FGF12: variants seen among roughly 807,000 people sequenced by gnomAD.
FGF12 encodes fibroblast growth factor 12, also known as fibroblast growth factor 12B.
Under a neutral mutation model 23.6 loss-of-function variants are expected in FGF12, and 14 were observed. That is an observed-to-expected ratio of 0.59 (90% CI 0.39 to 0.93). The LOEUF is 0.93. Ranked by LOEUF, FGF12 falls within the 40% of genes least tolerant of loss-of-function variation. FGF12 has a pLI of 0.00. For synonymous variants in FGF12, 62 were observed against 77.3 expected, an observed-to-expected ratio of 0.80 and a Z score of 1.04; for missense variants, 175 against 217.8, an observed-to-expected ratio of 0.80 and a Z score of 1.24.
At chr3:192,505,372 T>C (rs1057270255) in intron 2 of FGF12, among the ~76,000 whole-genome samples, 9 of 152,190 alleles carry the variant, frequency 5.9e-5, no homozygotes, top group African/African-American at 2.2e-4. Flanking sequence ...TAAATCCTTT[T>C]GGAAAAAATA....
rs1721056661 is a variant in FGF12 at position 192,408,401 on chromosome 3, G to C, written c.14-47863C>G. 1.4e-6 allele frequency: 2 copies of C among 1,407,530 alleles called. No individual in the cohort carries two copies. Among genetic ancestry groups the C allele is most frequent in the Non-Finnish European group, 1.8e-6 (2 of 1,086,438 alleles). 87.2% of individuals were successfully genotyped at this position (1,407,530 alleles called of 1,614,324 possible). A position where few individuals can be genotyped will look rare whatever the true frequency, so the allele number is the denominator to read the frequency against. On this transcript the variant is annotated intron_variant, in intron 2 of 5. Transcript: ENST00000445105. This position sits in a 1 kb window ranked among gnomAD's most constrained non-coding sequence, Gnocchi z 7.3. The stretch of plus-strand genomic sequence containing the variant: ...CGCTCACAAGGTTAGTCAAAGTCTG[G>C]GCAGTGGCGACAAAATGTGTGAAAA...
At chr3:192,323,326 G>A (rs1026209951) in intron 4 of FGF12, among the ~76,000 whole-genome samples, 2 of 152,124 alleles carry the variant, frequency 1.3e-5, no homozygotes, top group Admixed American at 6.5e-5. Flanking sequence ...TCCATCAACC[G>A]ATGAATAGAT....
In FGF12 at chr3:192,239,921, TAGTGAA is replaced by T. The variant is rs530825769; in HGVS notation, c.229-69271_229-69266del. ...AAGCCCCAGTAAATATCTGAGGTCT[TAGTGAA>T]ACAGGGTAAGATGAAAGGTGAGAAA... On this transcript the variant is annotated intron_variant, in intron 4 of 5. Transcript: ENST00000445105. Among the ~76,000 whole-genome samples the T allele has an allele frequency of 1.7e-3, 255 of 152,284 alleles. 8 individuals are homozygous for T. In the South Asian group the frequency reaches 0.051, roughly 31 times the overall value.
chr3:192,385,094 G>A (rs1719985667), intron 2 of FGF12, among the ~76,000 whole-genome samples: 1 of 152,156 alleles, frequency 6.6e-6, no homozygotes, highest in African/African-American at 2.4e-5. Context: ...GAAATTGCTT[G>A]TCATATTTGA....
intron 2 of FGF12, among the ~76,000 whole-genome samples, chr3:192,563,532 A>C (rs1712138868): frequency 6.6e-6 from 1 of 152,234 alleles, no homozygotes; most frequent in Non-Finnish European, 1.5e-5. Context: ...AAAAAAATCA[A>C]GCTAAATCCA....
At chr3:192,532,794 A>G (rs1418052915) in intron 2 of FGF12, among the ~76,000 whole-genome samples, 1 of 152,172 alleles carries the variant, frequency 6.6e-6, no homozygotes, top group Non-Finnish European at 1.5e-5. Context: ...GAAATAAATC[A>G]CTATTTCTTA....
intron 2 of FGF12, among the ~76,000 whole-genome samples, chr3:192,625,383 A>G (rs1715129684): frequency 1.3e-5 from 2 of 152,230 alleles, no homozygotes; most frequent in African/African-American, 2.4e-5. Context: ...TGGTATATTG[A>G]TGTTTAATTT....
intron 4 of FGF12, among the ~76,000 whole-genome samples, chr3:192,298,794 G>C (rs1715184521): frequency 6.6e-6 from 1 of 152,146 alleles, no homozygotes. Flanking sequence ...GACTTTACAA[G>C]AAGCATGGCA....
At chr3:192,218,772 G>A (rs941508753) in intron 4 of FGF12, among the ~76,000 whole-genome samples, 3 of 152,154 alleles carry the variant, frequency 2.0e-5, no homozygotes, top group East Asian at 1.9e-4. Context: ...GAGCCAAGGC[G>A]GAAAAGAGGA....
chr3:192,690,463 T>C (rs1717905294), intron 2 of FGF12, among the ~76,000 whole-genome samples: 1 of 151,660 alleles, frequency 6.6e-6, no homozygotes, highest in Non-Finnish European at 1.5e-5. Context: ...AAAGTGGGTA[T>C]CAGCTTAAAG....
At chr3:192,499,517 T>TATATATATATA (rs57936647) in intron 2 of FGF12, among the ~76,000 whole-genome samples, 4 of 20,066 alleles carry the variant, frequency 2.0e-4, no homozygotes, top group African/African-American at 8.2e-4. Flanking sequence ...TATATATATA[T>TATATATATATA]TTTTTTTTTT....
chr3:192,252,531 CAAGAA>C (rs1303957279), intron 4 of FGF12, among the ~76,000 whole-genome samples: 9 of 96,516 alleles, frequency 9.3e-5, no homozygotes, highest in Non-Finnish European at 1.6e-4. Context: ...CAAGAAAAGA[CAAGAA>C]AAGAAAAGTC....
chr3:192,360,261 T>C lies in FGF12; in HGVS notation c.124+167A>G, dbSNP rs1256420400. ...CCTCTCTCCTATACTGTCTTTGCTGTAGGAAATCATAGCAAGAAGGATAAA... is the reference window on the plus strand; with the variant it reads ...CCTCTCTCCTATACTGTCTTTGCTGCAGGAAATCATAGCAAGAAGGATAAA... On this transcript the variant is annotated intron_variant, in intron 3 of 5. Transcript: ENST00000445105. This position sits in a 1 kb window ranked among gnomAD's most constrained non-coding sequence, Gnocchi z 4.3. Among the ~76,000 whole-genome samples the C allele has an allele frequency of 6.6e-6, 1 of 152,152 alleles. No individual in the cohort carries two copies. The highest frequency in any genetic ancestry group is 1.5e-5 in the Non-Finnish European group (1 of 68,022).
At chr3:192,641,148 C>A (rs1715787338) in intron 2 of FGF12, among the ~76,000 whole-genome samples, 1 of 56,262 alleles carries the variant, frequency 1.8e-5, no homozygotes, top group Admixed American at 1.5e-4. Flanking sequence ...CTCTGTCGCC[C>A]AGGCTGGAGT....
intron 2 of FGF12, among the ~76,000 whole-genome samples, chr3:192,627,554 CTATTT>C (rs1019042008): frequency 6.6e-6 from 1 of 152,034 alleles, no homozygotes; most frequent in Non-Finnish European, 1.5e-5. Context: ...ATAGAAGTAT[CTATTT>C]TCCTCTGTCC....
rs143442524 is a variant in FGF12, at chr3:192,430,403, G to A, written c.14-69865C>T. On this transcript the variant is annotated intron_variant, in intron 2 of 5. Transcript: ENST00000445105. ...ATAGCTGTTCGGTGGGTATAGTTTC[G>A]GTTCTGCAAGATGAAAAAGTTTTGG... 3.4e-3 allele frequency among the ~76,000 whole-genome samples: 520 copies of A among 152,206 alleles called. 3 individuals carry two copies. Among genetic ancestry groups the A allele is most frequent in the African/African-American group, 0.012 (496 of 41,542 alleles).
At chr3:192,550,855 A>C (rs1305006703) in intron 2 of FGF12, among the ~76,000 whole-genome samples, 1 of 152,218 alleles carries the variant, frequency 6.6e-6, no homozygotes, top group Admixed American at 6.5e-5. Flanking sequence ...CAAATATTTA[A>C]AGATACGAAT....
At chr3:192,387,137 C>T (rs549712588) in intron 2 of FGF12, among the ~76,000 whole-genome samples, 8 of 152,256 alleles carry the variant, frequency 5.3e-5, no homozygotes, top group East Asian at 1.9e-4. Flanking sequence ...ATCCTGGGAT[C>T]GTAATCAGAT....
At chr3:192,507,480 G>A (rs962122659) in intron 2 of FGF12, among the ~76,000 whole-genome samples, 2 of 151,832 alleles carry the variant, frequency 1.3e-5, no homozygotes, top group Non-Finnish European at 2.9e-5. Context: ...CTTCACCTGG[G>A]GAAGTCTCGG....
Sources: gnomAD v4.1 joint callset for allele counts (sites outside exome capture counted in the v4.1 genomes callset) on GRCh38, gnomAD v4.1.1 for gene constraint, Gnocchi (gnomAD v3.1) non-coding constraint, MANE v1.5 for transcripts, NCBI Gene and HGNC (gene_info 2026-07-23, HGNC 2026-07-21) for gene names.